ITGB3BP: variants seen among roughly 807,000 people sequenced by gnomAD.
ITGB3BP encodes the protein centromere protein R.
ITGB3BP carries 27 observed loss-of-function variants against 29.1 expected under a neutral mutation model. The observed-to-expected ratio is 0.93, with a 90% CI of 0.68 to 1.28. The LOEUF (loss-of-function observed/expected upper bound fraction) is 1.28. Among genes scored for constraint, ITGB3BP ranks in the 50% most tolerant of loss-of-function variants. The pLI is 0.00. For synonymous variants in ITGB3BP, 61 were observed against 61.4 expected, an observed-to-expected ratio of 0.99 and a Z score of 0.03; for missense variants, 192 against 200.2, an observed-to-expected ratio of 0.96 and a Z score of 0.25.
At chr1:63,463,381 C>T (rs376100301) in intron 4 of ITGB3BP, among the ~76,000 whole-genome samples, 3 of 151,364 alleles carry the variant, frequency 2.0e-5, no homozygotes, top group South Asian at 4.2e-4. Context: ...ACTAAATACA[C>T]ACACACAAAT....
intron 4 of ITGB3BP, among the ~76,000 whole-genome samples, chr1:63,465,013 A>T (rs1645075536): frequency 6.6e-6 from 1 of 152,216 alleles, no homozygotes; most frequent in Non-Finnish European, 1.5e-5. Flanking sequence ...AAATTGCAAT[A>T]AAGAACATTA....
At chr1:63,493,530 A>C (rs1381640560) in intron 2 of ITGB3BP, among the ~76,000 whole-genome samples, 2 of 152,206 alleles carry the variant, frequency 1.3e-5, no homozygotes, top group Admixed American at 6.5e-5. Context: ...CCACATTCTA[A>C]GATGCTGCAA....
intron 2 of ITGB3BP, among the ~76,000 whole-genome samples, chr1:63,501,853 C>G (rs1645938109): frequency 6.6e-6 from 1 of 150,994 alleles, no homozygotes; most frequent in African/African-American, 2.4e-5. Context: ...CAGAGTGAGG[C>G]CCTGTCTCGA....
At chr1:63,451,840 C>A (rs1644864389) in intron 7 of ITGB3BP, 1 of 151,910 alleles carries the variant, frequency 6.6e-6, no homozygotes, top group South Asian at 2.1e-4. Flanking sequence ...GTAGCTCCTG[C>A]CAAGAAACAG....
intron 3 of ITGB3BP, among the ~76,000 whole-genome samples, chr1:63,486,766 G>C (rs1645538890): frequency 6.6e-6 from 1 of 151,962 alleles, no homozygotes; most frequent in Non-Finnish European, 1.5e-5. Context: ...AAGGTTTCCA[G>C]CATAGCCCTA....
intron 4 of ITGB3BP, among the ~76,000 whole-genome samples, chr1:63,456,878 A>C (rs1230590017): frequency 4.6e-5 from 7 of 152,184 alleles, no homozygotes; most frequent in Admixed American, 1.3e-4. Flanking sequence ...AGCTCTCCTA[A>C]ATTAAGATAG....
At chr1:63,472,275 C>T (rs1024564485) in intron 4 of ITGB3BP, among the ~76,000 whole-genome samples, 2 of 151,710 alleles carry the variant, frequency 1.3e-5, no homozygotes, top group East Asian at 3.9e-4. Context: ...TCTACAGTGA[C>T]TCCATCAAGG....
At chr1:63,513,725 T>G (rs561024373) in intron 1 of ITGB3BP, among the ~76,000 whole-genome samples, 2 of 152,142 alleles carry the variant, frequency 1.3e-5, no homozygotes, top group Non-Finnish European at 2.9e-5. Context: ...GTCAAGAAAT[T>G]TGAAATTCCT....
chr1:63,469,047 C>A (rs1645149184), intron 4 of ITGB3BP, among the ~76,000 whole-genome samples: 3 of 142,662 alleles, frequency 2.1e-5, no homozygotes, highest in African/African-American at 7.7e-5. Flanking sequence ...GAGACTGTTT[C>A]AAAAAAAAAA....
chr1:63,477,376 A>T (rs534241884), intron 4 of ITGB3BP, among the ~76,000 whole-genome samples: 1 of 152,322 alleles, frequency 6.6e-6, no homozygotes, highest in South Asian at 2.1e-4. Flanking sequence ...ATTTGTAAAC[A>T]TAACCCATTT....
At chr1:63,457,248 A>G (rs1644948639) in intron 4 of ITGB3BP, 1 of 152,138 alleles carries the variant, frequency 6.6e-6, no homozygotes, top group Admixed American at 6.5e-5. Flanking sequence ...ACACTTTCTG[A>G]ATCACTGAAG....
At chr1:63,516,850 G>C (rs1199011982) in intron 1 of ITGB3BP, among the ~76,000 whole-genome samples, 2 of 152,000 alleles carry the variant, frequency 1.3e-5, no homozygotes, top group African/African-American at 4.8e-5. Flanking sequence ...AAAGGAGGAA[G>C]TATGGGAGGA....
intron 1 of ITGB3BP, among the ~76,000 whole-genome samples, chr1:63,510,659 A>G (rs1189132073): frequency 6.6e-6 from 1 of 152,216 alleles, no homozygotes; most frequent in Non-Finnish European, 1.5e-5. Flanking sequence ...AGTTCAGCCA[A>G]TAGGGAAAAC....
intron 7 of ITGB3BP, chr1:63,447,147 T>G (rs1041348124): frequency 2.4e-5 from 8 of 337,438 alleles, no homozygotes; most frequent in Non-Finnish European, 3.9e-5. Flanking sequence ...CTAAAATGAC[T>G]GTCATTTGTG....
chr1:63,454,804 T>A lies in ITGB3BP; in HGVS notation c.333+86A>T. The A allele has an allele frequency of 1.7e-6, 1 of 605,216 alleles. No individual in the cohort carries two copies. Among genetic ancestry groups the A allele is most frequent in the South Asian group, 3.0e-5 (1 of 33,758 alleles). The allele number at this position is 605,216 out of a possible 1,614,324, so 37.5% of individuals were successfully genotyped here. A position where few individuals can be genotyped will look rare whatever the true frequency, so the allele number is the denominator to read the frequency against. On this transcript the variant is annotated intron_variant, in intron 5 of 8. Transcript: ENST00000271002. This position sits in a 1 kb window ranked among gnomAD's most constrained non-coding sequence, Gnocchi z 4.1. ...TAAATTAAACATACTCTATGCAAAC[T>A]CTTTCCTGGATTGGATTCTCCAATC...
chr1:63,523,378 C>G (rs543930208), upstream of ITGB3BP: 3 of 584,802 alleles, frequency 5.1e-6, no homozygotes, highest in Non-Finnish European at 9.1e-6. Context: ...TAACAGAGCA[C>G]CTTCTCTCAC....
intron 1 of ITGB3BP, among the ~76,000 whole-genome samples, chr1:63,517,807 G>T (rs933843171): frequency 6.6e-6 from 1 of 152,126 alleles, no homozygotes; most frequent in African/African-American, 2.4e-5. Context: ...CTGCAGCCTT[G>T]ACTTCCTCGG....
chr1:63,489,065 A>G (rs1282141297), intron 3 of ITGB3BP, among the ~76,000 whole-genome samples: 3 of 152,048 alleles, frequency 2.0e-5, no homozygotes, highest in Non-Finnish European at 2.9e-5. Flanking sequence ...TATATCATGC[A>G]TATAAAAATA....
chr1:63,469,885 G>C (rs1200104842), intron 4 of ITGB3BP, among the ~76,000 whole-genome samples: 1 of 152,194 alleles, frequency 6.6e-6, no homozygotes, highest in East Asian at 1.9e-4. Flanking sequence ...GTTCATGATG[G>C]CCGTAACGCC....
Sources: gnomAD v4.1 joint callset for allele counts (sites outside exome capture counted in the v4.1 genomes callset) on GRCh38, gnomAD v4.1.1 for gene constraint, Gnocchi (gnomAD v3.1) non-coding constraint, MANE v1.5 for transcripts, NCBI Gene and HGNC (gene_info 2026-07-23, HGNC 2026-07-21) for gene names.